MAN2A1: variants seen among roughly 807,000 people sequenced by gnomAD.
MAN2A1 encodes the protein alpha-mannosidase 2.
In MAN2A1, 76 loss-of-function variants were observed where a neutral mutation model predicts 142.6. The observed-to-expected ratio is 0.53, with a 90% confidence interval of 0.44 to 0.65. The LOEUF is 0.65. Among genes scored for constraint, MAN2A1 ranks in the 30% least tolerant of loss-of-function variants. The probability of loss-of-function intolerance (pLI) is 0.00; values close to 1 mark genes in which losing one functional copy is unlikely to be tolerated. For synonymous variants in MAN2A1, 559 were observed against 473.2 expected (o/e 1.18, Z -2.35); for missense variants, 1,311 against 1,365.1 (o/e 0.96, Z 0.62).
chr5:109,768,369 A>G (rs1753051255), intron 6 of MAN2A1, among the ~76,000 whole-genome samples: 1 of 152,118 alleles, frequency 6.6e-6, no homozygotes, highest in Non-Finnish European at 1.5e-5. Context: ...CCTCTGCTTT[A>G]TATTCATTCT....
At chr5:109,724,311 CCTGTTGGGCA>C (rs1267215627) in intron 3 of MAN2A1, among the ~76,000 whole-genome samples, 2 of 152,034 alleles carry the variant, frequency 1.3e-5, no homozygotes, top group African/African-American at 4.8e-5. Context: ...TGAAAAACTA[CCTGTTGGGCA>C]CTGTGTTCAC....
chr5:109,817,482 C>A, intron 13 of MAN2A1, 44 bp downstream of exon 13: 3 of 1,581,976 alleles, frequency 1.9e-6, no homozygotes, highest in Non-Finnish European at 2.6e-6. Flanking sequence ...GTAAAACAAA[C>A]CTAGCCAGTA....
At chr5:109,776,567 A>C (rs1239040722) in intron 8 of MAN2A1, among the ~76,000 whole-genome samples, 1 of 152,108 alleles carries the variant, frequency 6.6e-6, no homozygotes, top group African/African-American at 2.4e-5. Flanking sequence ...TATTCTACCT[A>C]TTTCATCCTT....
intron 4 of MAN2A1, among the ~76,000 whole-genome samples, chr5:109,740,221 A>G (rs979281683): frequency 6.6e-6 from 1 of 152,206 alleles, no homozygotes; most frequent in African/African-American, 2.4e-5. Context: ...GCAAGATTAT[A>G]TGAGAATCAG....
At chr5:109,722,555 C>T (rs1751634398) in intron 3 of MAN2A1, among the ~76,000 whole-genome samples, 1 of 152,264 alleles carries the variant, frequency 6.6e-6, no homozygotes, top group South Asian at 2.1e-4. Flanking sequence ...GCTGGGATTA[C>T]AGGCACACGC....
chr5:109,721,292 T>C (rs1751596734), intron 3 of MAN2A1, among the ~76,000 whole-genome samples: 1 of 152,238 alleles, frequency 6.6e-6, no homozygotes, highest in African/African-American at 2.4e-5. Flanking sequence ...GTTCAAATTA[T>C]TCTATTTCTT....
intron 12 of MAN2A1, among the ~76,000 whole-genome samples, chr5:109,808,272 T>G (rs1230979314): frequency 6.6e-6 from 1 of 152,226 alleles, no homozygotes; most frequent in Non-Finnish European, 1.5e-5. Flanking sequence ...TCTGAATTTT[T>G]CTAATAAACA....
At chr5:109,848,983 A>G (rs997040344) in intron 19 of MAN2A1, among the ~76,000 whole-genome samples, 3 of 152,212 alleles carry the variant, frequency 2.0e-5, no homozygotes, top group Non-Finnish European at 4.4e-5. Context: ...CAGTAGATCC[A>G]GTGCATATTG....
chr5:109,802,005 A>T (rs1754044339), intron 12 of MAN2A1, among the ~76,000 whole-genome samples: 1 of 152,134 alleles, frequency 6.6e-6, no homozygotes, highest in Admixed American at 6.6e-5. Context: ...ATAGTTCCTT[A>T]TTCTTTGATT....
At chr5:109,705,052 T>C (rs1257005126) in intron 1 of MAN2A1, among the ~76,000 whole-genome samples, 1 of 152,154 alleles carries the variant, frequency 6.6e-6, no homozygotes, top group Admixed American at 6.5e-5. Context: ...TCCTCCCCAG[T>C]AACTGGCTTG....
intron 3 of MAN2A1, among the ~76,000 whole-genome samples, chr5:109,719,340 A>G (rs1334294659): frequency 6.6e-6 from 1 of 152,254 alleles, no homozygotes; most frequent in Non-Finnish European, 1.5e-5. Context: ...AGAAGAATCC[A>G]CTGACTTAAT....
chr5:109,779,459 T>A (rs1002241609), intron 8 of MAN2A1, among the ~76,000 whole-genome samples: 1 of 152,100 alleles, frequency 6.6e-6, no homozygotes, highest in African/African-American at 2.4e-5. Context: ...TCACTCTTAT[T>A]ATTTATACTT....
intron 4 of MAN2A1, among the ~76,000 whole-genome samples, chr5:109,738,810 A>G (rs1752183055): frequency 1.3e-5 from 2 of 151,950 alleles, no homozygotes; most frequent in Non-Finnish European, 2.9e-5. Flanking sequence ...GTAATTTTTA[A>G]TGCTGAAGTC....
intron 20 of MAN2A1, among the ~76,000 whole-genome samples, chr5:109,856,985 G>C (rs907367889): frequency 6.6e-6 from 1 of 152,186 alleles, no homozygotes; most frequent in African/African-American, 2.4e-5. Flanking sequence ...TTATGAAGGA[G>C]TAAAAAGGGA....
At chr5:109,737,552 C>T (rs902953153) in intron 4 of MAN2A1, among the ~76,000 whole-genome samples, 3 of 151,840 alleles carry the variant, frequency 2.0e-5, no homozygotes, top group South Asian at 2.1e-4. Context: ...CTGCTAATTC[C>T]GTATTTTACA....
chr5:109,747,626 C>G (rs1162267295), intron 4 of MAN2A1, among the ~76,000 whole-genome samples: 3 of 152,060 alleles, frequency 2.0e-5, no homozygotes, highest in Non-Finnish European at 4.4e-5. Context: ...ATTTGACTGA[C>G]AATATAATCA....
intron 15 of MAN2A1, among the ~76,000 whole-genome samples, chr5:109,822,823 A>C (rs563153534): frequency 6.6e-6 from 1 of 152,028 alleles, no homozygotes; most frequent in South Asian, 2.1e-4. Flanking sequence ...GACTACAGGC[A>C]CCCGCCACCA....
At chr5:109,735,067 G>A (rs1407044361) in intron 4 of MAN2A1, among the ~76,000 whole-genome samples, 2 of 152,172 alleles carry the variant, frequency 1.3e-5, no homozygotes, top group African/African-American at 4.8e-5. Flanking sequence ...TGTATTGGGT[G>A]CATGTATATT....
intron 12 of MAN2A1, among the ~76,000 whole-genome samples, chr5:109,793,790 A>G (rs1349309787): frequency 6.6e-6 from 1 of 152,218 alleles, no homozygotes; most frequent in Non-Finnish European, 1.5e-5. Flanking sequence ...ATGGATGGAT[A>G]TAAAAGATAG....
Sources: gnomAD v4.1 joint callset for allele counts (sites outside exome capture counted in the v4.1 genomes callset) on GRCh38, gnomAD v4.1.1 for gene constraint, MANE v1.5 for transcripts, NCBI Gene and HGNC (gene_info 2026-07-23, HGNC 2026-07-21) for gene names.